THADA: variants seen among roughly 807,000 people sequenced by gnomAD.
The protein encoded by THADA is THADA armadillo repeat containing.
Under a neutral mutation model 219.8 loss-of-function variants are expected in THADA, and 213 were observed. The observed-to-expected ratio is 0.97, with a 90% CI of 0.87 to 1.09. THADA has a LOEUF of 1.09. THADA is among the 50% of genes least tolerant of loss of function. THADA has a pLI of 0.00. For synonymous variants in THADA, 1,018 were observed against 828.9 expected, an observed-to-expected ratio of 1.23 and a Z score of -3.92; for missense variants, 2,956 against 2,311.3, an observed-to-expected ratio of 1.28 and a Z score of -5.72.
intron 29 of THADA, among the ~76,000 whole-genome samples, chr2:43,370,881 G>C (rs1327554752): frequency 1.3e-5 from 2 of 152,186 alleles, no homozygotes; most frequent in Non-Finnish European, 2.9e-5. Context: ...ATCAACCTCA[G>C]CAAGATGTCA....
intron 29 of THADA, among the ~76,000 whole-genome samples, chr2:43,396,396 C>T (rs1384771199): frequency 6.6e-6 from 1 of 152,194 alleles, no homozygotes; most frequent in Admixed American, 6.5e-5. Context: ...TCATGACTGC[C>T]TATTTTCTGG....
chr2:43,297,798 A>G (rs1273155575), intron 31 of THADA, among the ~76,000 whole-genome samples: 2 of 104,358 alleles, frequency 1.9e-5, no homozygotes, highest in Non-Finnish European at 3.8e-5. Flanking sequence ...CCGCCCGGCC[A>G]GCCGCCCCGT....
At chr2:43,377,616 G>A (rs934849459) in intron 29 of THADA, among the ~76,000 whole-genome samples, 2 of 152,166 alleles carry the variant, frequency 1.3e-5, no homozygotes, top group African/African-American at 4.8e-5. Context: ...ATATGGCAAA[G>A]AATCTAGTTA....
intron 29 of THADA, among the ~76,000 whole-genome samples, chr2:43,372,609 G>A (rs1485911859): frequency 6.6e-6 from 1 of 152,154 alleles, no homozygotes; most frequent in Non-Finnish European, 1.5e-5. Context: ...AGCCAACAGA[G>A]GGGGTTTCTA....
intron 35 of THADA, 67 bp from the exon 36 acceptor site, chr2:43,279,963 C>A: frequency 7.2e-7 from 1 of 1,389,008 alleles, no homozygotes; most frequent in Non-Finnish European, 9.4e-7. Flanking sequence ...AATACTGCTT[C>A]AAATCCCTGG....
intron 31 of THADA, among the ~76,000 whole-genome samples, chr2:43,294,985 G>A (rs191585556): frequency 3.8e-4 from 58 of 152,330 alleles, no homozygotes; most frequent in East Asian, 1.3e-3. Flanking sequence ...CCAGCTGGGC[G>A]TGGTGGCTCA....
intron 36 of THADA, among the ~76,000 whole-genome samples, chr2:43,249,388 A>G (rs1236204061): frequency 6.6e-6 from 1 of 152,130 alleles, no homozygotes; most frequent in Non-Finnish European, 1.5e-5. Context: ...TGGCCGGCCA[A>G]TGATGGTAGC....
Position 43,292,830 on chromosome 2 carries a change from T to G in THADA, c.4818+4A>C, listed in dbSNP as rs942398015. On this transcript the variant is annotated splice_donor_region_variant and intron_variant, in intron 32 of 37. Coordinates refer to ENST00000405975, the MANE Select transcript of THADA (RefSeq NM_022065.5). ...AGGGCCAGTCAGTACGTTGGAGACT[T>G]TACCTTGCAGAAGCATTCTGGGTGA... 4 of 1,610,340 alleles carry G rather than the reference T, an allele frequency of 2.5e-6. No individual in the cohort carries two copies. Among genetic ancestry groups the G allele is most frequent in the Non-Finnish European group, 3.4e-6 (4 of 1,179,580 alleles).
At chr2:43,529,157 A>T (rs188851209) in intron 21 of THADA, among the ~76,000 whole-genome samples, 1,853 of 141,980 alleles carry the variant, frequency 0.013, 15 homozygotes, top group Non-Finnish European at 0.017. Context: ...GACTTTTTTT[A>T]AAAAAAAAAA....
At chr2:43,241,926 A>G (rs756571044) in intron 36 of THADA, among the ~76,000 whole-genome samples, 3 of 152,034 alleles carry the variant, frequency 2.0e-5, no homozygotes, top group South Asian at 2.1e-4. Context: ...ACCAAACCTC[A>G]TCTCAGTGGT....
intron 22 of THADA, among the ~76,000 whole-genome samples, chr2:43,518,896 T>G (rs570471206): frequency 6.6e-6 from 1 of 152,202 alleles, no homozygotes; most frequent in South Asian, 2.1e-4. Context: ...GGTCACACTA[T>G]CTCCAACCTG....
At chr2:43,366,931 C>T (rs1243218379) in intron 29 of THADA, among the ~76,000 whole-genome samples, 4 of 151,226 alleles carry the variant, frequency 2.6e-5, no homozygotes, top group Non-Finnish European at 4.5e-5. Context: ...TAGCCAAAGG[C>T]GGAAGTAAAT....
chr2:43,530,360 T>G (rs1445003681), intron 21 of THADA, among the ~76,000 whole-genome samples: 2 of 152,194 alleles, frequency 1.3e-5, no homozygotes, highest in African/African-American at 4.8e-5. Context: ...TTATCAAGGC[T>G]TAAATCCGAA....
chr2:43,443,548 G>A (rs543797005), intron 26 of THADA, among the ~76,000 whole-genome samples: 34 of 152,178 alleles, frequency 2.2e-4, no homozygotes, highest in African/African-American at 5.5e-4. Context: ...CATTTCAAAC[G>A]TTTATCTATG....
intron 20 of THADA, among the ~76,000 whole-genome samples, chr2:43,543,663 T>A (rs1466907573): frequency 6.6e-6 from 1 of 152,378 alleles, no homozygotes; most frequent in Non-Finnish European, 1.5e-5. Context: ...TCTGGCTGCA[T>A]AAATGTCTTC....
chr2:43,535,179 T>C (rs1006693829), intron 21 of THADA, among the ~76,000 whole-genome samples: 2 of 146,144 alleles, frequency 1.4e-5, no homozygotes, highest in African/African-American at 2.5e-5. Flanking sequence ...TTTTTTTTTT[T>C]TTTTTTTTTT....
intron 26 of THADA, among the ~76,000 whole-genome samples, chr2:43,461,438 C>T (rs1178260417): frequency 6.6e-6 from 1 of 152,166 alleles, no homozygotes; most frequent in African/African-American, 2.4e-5. Flanking sequence ...CCAGTCCTAA[C>T]TACATCCACT....
At position 43,326,447 on chromosome 2, in the gene THADA, A is replaced by C. The variant is rs150774773; in HGVS notation, c.4344-5907T>G. On this transcript the variant is annotated intron_variant, in intron 30 of 37. Transcript: ENST00000405975. Reference sequence around the variant, plus strand: ...AAGGGACAATGGTATGGGGGGCGGGAATTGGAATGGCAGAGGTGGGTTATT... The same window carrying C: ...AAGGGACAATGGTATGGGGGGCGGGCATTGGAATGGCAGAGGTGGGTTATT... Among the ~76,000 whole-genome samples the C allele has an allele frequency of 2.1e-3, 326 of 152,322 alleles. 1 individual carries two copies. The highest frequency in any genetic ancestry group is 7.6e-3 in the African/African-American group (314 of 41,570).
At position 43,232,811 on chromosome 2, in the gene THADA, G is replaced by A; in HGVS notation, c.5368C>T (p.Gln1790Ter). 6.2e-7 allele frequency: 1 copy of A among 1,613,186 alleles called. No individual in the cohort carries two copies. The highest frequency in any genetic ancestry group is 8.5e-7 in the Non-Finnish European group (1 of 1,179,656). Reference sequence around the variant, plus strand: ...CCAGGGGCCAACTGGTCCCACTGCTGGAGCAGATCACACAGGACGGCCAGG... The same window carrying A: ...CCAGGGGCCAACTGGTCCCACTGCTAGAGCAGATCACACAGGACGGCCAGG... Reference protein sequence around the residue: ...LALAVLCDLLQQWDQLAPGLP... With the variant: ...LALAVLCDLL Residue 1790 changes from glutamine (Q) to a stop codon, truncating the protein, a stop_gained, in exon 37 of 38, where the codon CAG becomes TAG. Coordinates refer to ENST00000405975, the MANE Select transcript of THADA (RefSeq NM_022065.5). LOFTEE classifies it high-confidence loss of function.
Sources: allele counts gnomAD v4.1 joint callset (sites outside exome capture counted in the v4.1 genomes callset), GRCh38; gene constraint gnomAD v4.1.1; transcripts MANE v1.5; gene names NCBI Gene and HGNC (gene_info 2026-07-23, HGNC 2026-07-21).